Variants in SEC22A observed in about 807,000 individuals in gnomAD.
SEC22A encodes SEC22 homolog A, vesicle trafficking protein.
SEC22A carries 22 observed loss-of-function variants against 35.3 expected under a neutral mutation model. The ratio of observed to expected loss-of-function variants is 0.62; its 90% CI spans 0.45 to 0.89. The LOEUF (loss-of-function observed/expected upper bound fraction) is 0.89, where lower values mean the gene tolerates loss of function less well. SEC22A is among the 40% of genes least tolerant of loss of function. The pLI is 0.00. For synonymous variants in SEC22A, 119 were observed against 129.5 expected, an observed-to-expected ratio of 0.92 and a Z score of 0.55; for missense variants, 354 against 362.5, an observed-to-expected ratio of 0.98 and a Z score of 0.19.
intron 4 of SEC22A, among the ~76,000 whole-genome samples, chr3:123,230,006 G>A (rs28429886): frequency 0.3 from 45,576 of 151,886 alleles, 7,287 homozygotes; most frequent in Middle Eastern, 0.38. Context: ...GTAAAGGCCC[G>A]GTGTGGTGGC....
chr3:123,244,478 A>G (rs1209186494), intron 4 of SEC22A, among the ~76,000 whole-genome samples: 1 of 152,198 alleles, frequency 6.6e-6, no homozygotes, highest in Admixed American at 6.5e-5. Flanking sequence ...TTACTGATAT[A>G]ACACTTGGAA....
intron 4 of SEC22A, among the ~76,000 whole-genome samples, chr3:123,226,799 T>A (rs1458194783): frequency 6.6e-6 from 1 of 152,234 alleles, no homozygotes; most frequent in Admixed American, 6.5e-5. Context: ...CAGGCCAATG[T>A]CCTGGAGAGT....
intron 5 of SEC22A, among the ~76,000 whole-genome samples, chr3:123,257,388 GCTC>G (rs964172734): frequency 6.6e-6 from 1 of 152,176 alleles, no homozygotes; most frequent in Admixed American, 6.5e-5. Context: ...CTAGAAATAT[GCTC>G]CTAAGTGTTT....
chr3:123,229,373 A>G (rs1937273498), intron 4 of SEC22A, among the ~76,000 whole-genome samples: 1 of 152,240 alleles, frequency 6.6e-6, no homozygotes, highest in Non-Finnish European at 1.5e-5. Context: ...ACTTCTTAGC[A>G]GAACCAATAG....
chr3:123,226,776 A>G lies in SEC22A; in HGVS notation c.541+1479A>G, dbSNP rs983735794. On this transcript the variant is annotated intron_variant, in intron 4 of 6. Transcript: ENST00000492595. ...GCCTGTACTTGTGGGGTATTACTCA[A>G]GAGATCTTTGCCCAGGCCAATGTCC... 2.0e-5 allele frequency among the ~76,000 whole-genome samples: 3 copies of G among 152,200 alleles called. No homozygotes were observed. In the East Asian group the frequency reaches 5.8e-4, roughly 29 times the overall value.
intron 5 of SEC22A, among the ~76,000 whole-genome samples, chr3:123,248,105 T>C (rs1020531090): frequency 5.3e-5 from 8 of 152,180 alleles, no homozygotes; most frequent in African/African-American, 1.9e-4. Flanking sequence ...GCTAACATCA[T>C]CTTTAATGAT....
At chr3:123,270,121 A>C (rs567087016) in intron 6 of SEC22A, among the ~76,000 whole-genome samples, 119 of 152,318 alleles carry the variant, frequency 7.8e-4, no homozygotes, top group African/African-American at 2.8e-3. Context: ...TGGTTTGATG[A>C]TTATACTATG....
chr3:123,222,080 A>G (rs1937132584), intron 2 of SEC22A, among the ~76,000 whole-genome samples: 1 of 152,036 alleles, frequency 6.6e-6, no homozygotes, highest in Non-Finnish European at 1.5e-5. Context: ...CTCTACTGCC[A>G]ACTTTCCTTT....
rs543951568 is a variant in SEC22A at position 123,231,428 on chromosome 3, A to T, written c.541+6131A>T. 8.4e-4 allele frequency among the ~76,000 whole-genome samples: 128 copies of T among 152,320 alleles called. 1 individual carries two copies. The highest frequency in any genetic ancestry group is 3.4e-3 in the Middle Eastern group (1 of 294). On this transcript the variant is annotated intron_variant, in intron 4 of 6. Coordinates refer to ENST00000492595, the MANE Select transcript of SEC22A (RefSeq NM_012430.5). The stretch of plus-strand genomic sequence containing the variant: ...ATGCTAAGCTAAACAAAACAAAAAG[A>T]AAAACAAAACCTTCATAAATTTAAA...
Position 123,245,405 on chromosome 3 carries a change from T to G in SEC22A, c.542-494T>G, listed in dbSNP as rs932120863. Among the ~76,000 whole-genome samples the G allele has an allele frequency of 1.1e-4, 17 of 152,262 alleles. No individual in the cohort carries two copies. In the East Asian group the frequency reaches 3.1e-3, roughly 28 times the overall value. Reference sequence around the variant, plus strand: ...AAGTTACATGTCTTTGTTAAAAACATAGAGAAAGGCCAGATGCAATGTCTC... The same window carrying G: ...AAGTTACATGTCTTTGTTAAAAACAGAGAGAAAGGCCAGATGCAATGTCTC... On this transcript the variant is annotated intron_variant, in intron 4 of 6. Transcript: ENST00000492595.
intron 4 of SEC22A, among the ~76,000 whole-genome samples, chr3:123,234,955 G>A (rs142378639): frequency 0.013 from 1,922 of 151,926 alleles, 39 homozygotes; most frequent in African/African-American, 0.045. Flanking sequence ...CCTAGGAGGC[G>A]GAGGTTACAG....
At chr3:123,222,970 A>G (rs1452652340) in intron 2 of SEC22A, among the ~76,000 whole-genome samples, 1 of 152,244 alleles carries the variant, frequency 6.6e-6, no homozygotes, top group East Asian at 1.9e-4. Flanking sequence ...AACACTCAGC[A>G]TTCTGCTTTA....
chr3:123,221,470 C>CAAAAAA (rs56800842), intron 2 of SEC22A, among the ~76,000 whole-genome samples: 27 of 60,576 alleles, frequency 4.5e-4, no homozygotes, highest in African/African-American at 1.1e-3. Flanking sequence ...GAGTCCATCT[C>CAAAAAA]AAAAAAAAAA....
intron 2 of SEC22A, among the ~76,000 whole-genome samples, chr3:123,221,630 T>C (rs1937125942): frequency 6.6e-6 from 1 of 152,148 alleles, no homozygotes; most frequent in Non-Finnish European, 1.5e-5. Flanking sequence ...TAAAAAGGGT[T>C]ACTTTGTGTT....
At chr3:123,261,564 A>C (rs1055501002) in intron 6 of SEC22A, among the ~76,000 whole-genome samples, 1 of 145,538 alleles carries the variant, frequency 6.9e-6, no homozygotes, top group Non-Finnish European at 1.5e-5. Context: ...TTTGATTTTT[A>C]TCTAAAACTG....
intron 4 of SEC22A, among the ~76,000 whole-genome samples, chr3:123,228,111 A>G (rs1342660958): frequency 6.6e-6 from 1 of 152,136 alleles, no homozygotes; most frequent in African/African-American, 2.4e-5. Flanking sequence ...AGAGGGTAAC[A>G]AATTTCATTA....
Position 123,209,396 on chromosome 3 carries a change from TTAAG to T in SEC22A, c.182+2_182+5del, listed in dbSNP as rs1156426811. 11 of 1,605,870 alleles carry T rather than the reference TTAAG, an allele frequency of 6.8e-6. No individual in the cohort carries two copies. The highest frequency in any genetic ancestry group is 2.2e-5 in the East Asian group (1 of 44,658). ...ACACTGAAAACTGGACATTATAACA[TTAAG>T]TAAGACTTCAGTTTGCTTCATTTGA... On this transcript the variant is annotated splice_donor_variant and coding_sequence_variant, in exon 2 of 7. Coordinates refer to ENST00000492595, the MANE Select transcript of SEC22A (RefSeq NM_012430.5). LOFTEE classifies it high-confidence loss of function.
At chr3:123,223,240 T>C (rs1001559779) in intron 2 of SEC22A, among the ~76,000 whole-genome samples, 5 of 152,210 alleles carry the variant, frequency 3.3e-5, no homozygotes, top group Non-Finnish European at 7.3e-5. Flanking sequence ...AGGGTTAGAC[T>C]TTAAGCTATC....
intron 5 of SEC22A, among the ~76,000 whole-genome samples, chr3:123,253,536 A>AC: frequency 8.5e-6 from 1 of 117,406 alleles, no homozygotes; most frequent in East Asian, 2.3e-4. Context: ...ATGTGGTGAA[A>AC]CCCCATCTCT....
Sources: allele counts gnomAD v4.1 joint callset (sites outside exome capture counted in the v4.1 genomes callset), GRCh38; gene constraint gnomAD v4.1.1; transcripts MANE v1.5; gene names NCBI Gene and HGNC (gene_info 2026-07-23, HGNC 2026-07-21).